HYAL4: variants seen among roughly 807,000 people sequenced by gnomAD.
HYAL4 encodes hyaluronidase 4.
In HYAL4, 37 loss-of-function variants were observed where a neutral mutation model predicts 35.2. The observed-to-expected ratio is 1.05, with a 90% CI of 0.81 to 1.38. The LOEUF (loss-of-function observed/expected upper bound fraction) is 1.38. Among genes scored for constraint, HYAL4 ranks in the 40% most tolerant of loss-of-function variants. HYAL4 has a pLI of 0.00. For missense variants in HYAL4, 572 were observed against 572.4 expected, an observed-to-expected ratio of 1.00 and a Z score of 0.01; for synonymous variants, 198 against 203.2, an observed-to-expected ratio of 0.97 and a Z score of 0.22.
chr7:123,868,055 G>T (rs1806732709), intron 2 of HYAL4, among the ~76,000 whole-genome samples, 168 bp from the exon 3 acceptor site: 1 of 152,124 alleles, frequency 6.6e-6, no homozygotes, highest in Non-Finnish European at 1.5e-5. Context: ...CCCCTGAATA[G>T]AAGCTAGGTC....
At chr7:123,874,636 A>T (rs1806963762) in intron 3 of HYAL4, 125 bp from the exon 4 acceptor site, 1 of 597,114 alleles carries the variant, frequency 1.7e-6, no homozygotes. Flanking sequence ...CAAACTCTTG[A>T]CCTCGTGATC....
intron 3 of HYAL4, among the ~76,000 whole-genome samples, chr7:123,870,626 G>A (rs909166964): frequency 6.6e-6 from 1 of 152,000 alleles, no homozygotes; most frequent in Admixed American, 6.6e-5. Context: ...GCTAGGTGTG[G>A]TGGTGGGTAC....
At chr7:123,855,530 C>G (rs1806417270) in intron 2 of HYAL4, among the ~76,000 whole-genome samples, 1 of 152,284 alleles carries the variant, frequency 6.6e-6, no homozygotes, top group African/African-American at 2.4e-5. Context: ...TTGGCCCCCA[C>G]TTTCTTCTGG....
intron 3 of HYAL4, among the ~76,000 whole-genome samples, chr7:123,871,047 T>A (rs1257629806): frequency 6.6e-6 from 1 of 152,204 alleles, no homozygotes; most frequent in Non-Finnish European, 1.5e-5. Context: ...ACGGAAATGC[T>A]TTCTTTCCTC....
chr7:123,764,455 C>A, the HYAL4 span, among the ~76,000 whole-genome samples: 1 of 152,158 alleles, frequency 6.6e-6, no homozygotes, highest in Non-Finnish European at 1.5e-5. Flanking sequence ...GAGATGGATC[C>A]TGACATTTAC....
Position 123,877,331 on chromosome 7 carries a change from G to A in HYAL4, c.*176G>A, listed in dbSNP as rs1807055763. The A allele has an allele frequency of 1.6e-6, 1 of 630,052 alleles. No individual in the cohort carries two copies. Among genetic ancestry groups the A allele is most frequent in the Admixed American group, 3.2e-5 (1 of 31,518 alleles). 39.0% of individuals were successfully genotyped at this position (630,052 alleles called of 1,614,324 possible). On this transcript the variant is annotated 3_prime_UTR_variant, in exon 5 of 5. Transcript: ENST00000223026. ...TTTTATTTGCCTCCAGTCTGGCTAG[G>A]AAACCAGATCTGGGGTAAAGTCAAT...
the HYAL4 span, among the ~76,000 whole-genome samples, chr7:123,798,057 G>C: frequency 6.6e-6 from 1 of 152,144 alleles, no homozygotes; most frequent in Admixed American, 6.5e-5. Context: ...ATGTGGCCTG[G>C]CTTCTGAAGG....
the HYAL4 span, among the ~76,000 whole-genome samples, chr7:123,767,858 A>G: frequency 1.3e-5 from 2 of 152,222 alleles, no homozygotes; most frequent in Admixed American, 6.5e-5. Flanking sequence ...AAAAAACATC[A>G]GGTATGCATC....
chr7:123,832,649 A>C (rs1805903702), intron 1 of HYAL4, among the ~76,000 whole-genome samples: 1 of 150,992 alleles, frequency 6.6e-6, no homozygotes, highest in Non-Finnish European at 1.5e-5. Flanking sequence ...ACAGGTGCCC[A>C]CCACCATGCC....
At chr7:123,831,794 A>G (rs1429240321) in intron 1 of HYAL4, among the ~76,000 whole-genome samples, 1 of 152,200 alleles carries the variant, frequency 6.6e-6, no homozygotes, top group African/African-American at 2.4e-5. Context: ...TGGACTGTAG[A>G]TTCTGAAAGT....
chr7:123,862,439 G>A (rs185334866), intron 2 of HYAL4, among the ~76,000 whole-genome samples: 113 of 152,206 alleles, frequency 7.4e-4, no homozygotes, highest in Non-Finnish European at 1.3e-3. Context: ...AAATCAACTC[G>A]TTTCACTAAT....
In HYAL4 at chr7:123,869,243, TC is replaced by T; in HGVS notation, c.954+18del. 1 of 1,502,932 alleles carries T rather than the reference TC, an allele frequency of 6.7e-7. No individual in the cohort carries two copies. Among genetic ancestry groups the T allele is most frequent in the Non-Finnish European group, 9.0e-7 (1 of 1,105,694 alleles). 93.1% of individuals were successfully genotyped at this position (1,502,932 alleles called of 1,614,324 possible). Reference sequence around the variant, plus strand: ...CCTTTCTAAGGTAAGAAGCTTCTTGTCCAATGGTGGGGGATTTCCTCCTTAT... The same window carrying T: ...CCTTTCTAAGGTAAGAAGCTTCTTGTCAATGGTGGGGGATTTCCTCCTTAT... On this transcript the variant is annotated intron_variant, in intron 3 of 4. Coordinates refer to ENST00000223026, the MANE Select transcript of HYAL4 (RefSeq NM_012269.3).
At chr7:123,867,324 G>A (rs1238702891) in intron 2 of HYAL4, among the ~76,000 whole-genome samples, 1 of 152,108 alleles carries the variant, frequency 6.6e-6, no homozygotes, top group East Asian at 1.9e-4. Context: ...ACTATGTGTG[G>A]GAAAACAGGA....
intron 2 of HYAL4, among the ~76,000 whole-genome samples, chr7:123,852,507 C>T (rs1469360913): frequency 6.6e-6 from 1 of 151,980 alleles, no homozygotes; most frequent in Non-Finnish European, 1.5e-5. Context: ...TCCTTTTCCC[C>T]TTGCTTGTTT....
the HYAL4 span, among the ~76,000 whole-genome samples, chr7:123,763,839 C>A: frequency 6.6e-6 from 1 of 152,240 alleles, no homozygotes; most frequent in African/African-American, 2.4e-5. Context: ...CCACCTCCAA[C>A]CCCTCACTCA....
the HYAL4 span, among the ~76,000 whole-genome samples, chr7:123,806,477 C>G: frequency 6.6e-6 from 1 of 151,960 alleles, no homozygotes; most frequent in African/African-American, 2.4e-5. Flanking sequence ...GAGTTTCACT[C>G]TTGTTGTCCA....
At chr7:123,807,660 C>T in the HYAL4 span, among the ~76,000 whole-genome samples, 1 of 151,376 alleles carries the variant, frequency 6.6e-6, no homozygotes, top group African/African-American at 2.4e-5. Context: ...AGGCTGGTCT[C>T]GAACTCCTGA....
the HYAL4 span, among the ~76,000 whole-genome samples, chr7:123,805,408 A>G: frequency 5.9e-5 from 9 of 152,188 alleles, no homozygotes; most frequent in African/African-American, 2.2e-4. Flanking sequence ...GAATTATATT[A>G]TTGTAAAGTT....
Position 123,849,273 on chromosome 7 carries a change from CT to C in HYAL4, c.-52+1116del, listed in dbSNP as rs555781046. Among the ~76,000 whole-genome samples, 1,351 of 151,976 alleles carry C rather than the reference CT, an allele frequency of 8.9e-3. 18 individuals are homozygous for C. Among genetic ancestry groups the C allele is most frequent in the African/African-American group, 0.031 (1,268 of 41,466 alleles). On this transcript the variant is annotated intron_variant, in intron 2 of 4. Transcript: ENST00000223026. ...TGAATAACTAATGTACAGTCTCTCT[CT>C]CTCTCTCTCTCCCTCTCTCTCTCTC...
Sources: gnomAD v4.1 joint callset for allele counts (sites outside exome capture counted in the v4.1 genomes callset) on GRCh38, gnomAD v4.1.1 for gene constraint, MANE v1.5 for transcripts, NCBI Gene and HGNC (gene_info 2026-07-23, HGNC 2026-07-21) for gene names.